The following SRGAP3 variants were observed in gnomAD, a reference collection of about 807,000 sequenced individuals.
SRGAP3 encodes the protein SLIT-ROBO Rho GTPase activating protein 3, also known as SLIT-ROBO Rho GTPase-activating protein 3.
Under a neutral mutation model 121.1 loss-of-function variants are expected in SRGAP3, and 39 were observed. The observed-to-expected ratio is 0.32, with a 90% CI of 0.25 to 0.42. The LOEUF is 0.42. Among genes scored for constraint, SRGAP3 ranks in the 10% least tolerant of loss-of-function variants. SRGAP3 has a pLI of 1.00. For synonymous variants in SRGAP3, 601 were observed against 570.0 expected, an observed-to-expected ratio of 1.05 and a Z score of -0.77; for missense variants, 1,213 against 1,470.6, an observed-to-expected ratio of 0.82 and a Z score of 2.86.
chr3:9,066,791 G>A (rs1467315422), intron 4 of SRGAP3, among the ~76,000 whole-genome samples: 3 of 152,200 alleles, frequency 2.0e-5, no homozygotes, highest in Non-Finnish European at 2.9e-5. Context: ...GAGCCACCAC[G>A]CCCAGGCTCT....
intron 1 of SRGAP3, among the ~76,000 whole-genome samples, chr3:9,227,215 T>G (rs1274097785): frequency 6.6e-6 from 1 of 152,208 alleles, no homozygotes; most frequent in Non-Finnish European, 1.5e-5. Context: ...CTCTTCATTT[T>G]TAAGTGTTGG....
intron 12 of SRGAP3, chr3:9,028,065 G>A (rs769614843): frequency 1.2e-5 from 20 of 1,613,448 alleles, no homozygotes; most frequent in East Asian, 8.9e-5. Context: ...TTTCCATCAC[G>A]GTGAATGGGG....
intron 2 of SRGAP3, chr3:9,330,452 T>C (rs1955588031): frequency 6.5e-6 from 1 of 154,010 alleles, no homozygotes; most frequent in South Asian, 1.9e-4. Context: ...AGCTCCAAAA[T>C]CCGAAAGGGA....
At chr3:9,160,750 T>C (rs748877165) in intron 1 of SRGAP3, among the ~76,000 whole-genome samples, 1 of 152,238 alleles carries the variant, frequency 6.6e-6, no homozygotes, top group African/African-American at 2.4e-5. Flanking sequence ...AAAGGGTTAA[T>C]AGAGACTTGG....
chr3:9,338,940 C>T (rs1955735212), intron 1 of SRGAP3, among the ~76,000 whole-genome samples: 1 of 152,214 alleles, frequency 6.6e-6, no homozygotes, highest in African/African-American at 2.4e-5. Flanking sequence ...AGACAAATTT[C>T]ATAAGCTAAA....
At chr3:9,207,696 G>A (rs1294188708) in intron 1 of SRGAP3, among the ~76,000 whole-genome samples, 1 of 152,192 alleles carries the variant, frequency 6.6e-6, no homozygotes, top group Admixed American at 6.5e-5. Flanking sequence ...CTTTGGAGTT[G>A]TCCCAGGTTG....
At position 8,990,697 on chromosome 3, in the gene SRGAP3, G is replaced by A; in HGVS notation, c.2701C>T (p.Leu901Phe). The A allele has an allele frequency of 6.2e-7, 1 of 1,613,236 alleles. No individual in the cohort carries two copies. The highest frequency in any genetic ancestry group is 8.5e-7 in the Non-Finnish European group (1 of 1,179,828). ...ACPSSPHKIPLTRGRIESPEK... is the reference protein window; with the variant it reads ...ACPSSPHKIPFTRGRIESPEK... ...GGGCTCTCGATCCTCCCCCGGGTGA[G>A]GGGGATTTTGTGGGGGCTGCTGGGG... Residue 901 changes from leucine to phenylalanine, a missense_variant, in exon 21 of 22, where the codon CTC becomes TTC. Around this residue, in one of 2 missense-constraint regions of SRGAP3, gnomAD observed 420 missense variants for 437.7 expected, o/e 0.96. Coordinates refer to ENST00000383836, the MANE Select transcript of SRGAP3 (RefSeq NM_014850.4).
rs150984888 is a variant in SRGAP3, at chr3:9,348,836, T to C, written n.214+14004A>G. The C allele has an allele frequency of 8.3e-5, 111 of 1,335,912 alleles. No homozygotes were observed. In the African/African-American group the frequency reaches 1.5e-3, roughly 18 times the overall value. 82.8% of individuals were successfully genotyped at this position (1,335,912 alleles called of 1,614,324 possible). A position where few individuals can be genotyped will look rare whatever the true frequency, so the allele number is the denominator to read the frequency against. On this transcript the variant is annotated intron_variant and non_coding_transcript_variant, in intron 1 of 3. Transcript: ENST00000490889. The stretch of plus-strand genomic sequence containing the variant: ...TCTAATGGAGCCCGACCATCCTTTC[T>C]ACAACATCAGTAAGGATCGCAGGTT...
At chr3:9,214,079 G>A (rs1278907369) in intron 1 of SRGAP3, among the ~76,000 whole-genome samples, 1 of 147,106 alleles carries the variant, frequency 6.8e-6, no homozygotes, top group African/African-American at 2.5e-5. Flanking sequence ...CCCTTTTATT[G>A]ACAGCCTCCC....
At chr3:9,155,180 G>C (rs1950373221) in intron 1 of SRGAP3, among the ~76,000 whole-genome samples, 1 of 152,082 alleles carries the variant, frequency 6.6e-6, no homozygotes, top group South Asian at 2.1e-4. Flanking sequence ...GCTGAGCGTG[G>C]AGTTCTGGCT....
chr3:9,047,130 C>A (rs1945329137), intron 10 of SRGAP3, among the ~76,000 whole-genome samples: 1 of 152,186 alleles, frequency 6.6e-6, no homozygotes, highest in Non-Finnish European at 1.5e-5. Flanking sequence ...CCGTGCCCAG[C>A]CTCTATTTTC....
intron 14 of SRGAP3, among the ~76,000 whole-genome samples, chr3:9,022,095 G>C (rs909247804): frequency 6.6e-6 from 1 of 152,212 alleles, no homozygotes; most frequent in Non-Finnish European, 1.5e-5. Context: ...TTCGGAGGCT[G>C]AGGTGGGTGG....
intron 3 of SRGAP3, among the ~76,000 whole-genome samples, chr3:9,311,762 C>A (rs376936359): frequency 2.6e-5 from 4 of 152,276 alleles, no homozygotes; most frequent in Admixed American, 2.0e-4. Context: ...TCTTCCTCTG[C>A]TATAAAGGGT....
intron 1 of SRGAP3, among the ~76,000 whole-genome samples, chr3:9,242,373 G>A (rs181865657): frequency 2.1e-3 from 313 of 152,298 alleles, no homozygotes; most frequent in African/African-American, 7.4e-3. Context: ...AGCGGCTCAC[G>A]CCTGAAATCC....
In SRGAP3 at chr3:9,010,346, T is replaced by C; in HGVS notation, c.2189A>G (p.Asp730Gly). The C allele has an allele frequency of 6.2e-7, 1 of 1,614,114 alleles. No individual in the cohort carries two copies. The highest frequency in any genetic ancestry group is 1.7e-5 in the Admixed American group (1 of 60,016). The change falls in exon 18 of 22, where the codon GAC becomes GGC. Residue 730 changes from aspartate to glycine, a missense_variant. Coordinates refer to ENST00000383836, the MANE Select transcript of SRGAP3 (RefSeq NM_014850.4). ...HSEPGAIDEV[D>G]HDNGTEPHTS... ...ATGAGGCTCAGTGCCATTGTCATGG[T>C]CAACTTCATCGATGGCCCCTGGCTC... is the stretch of plus-strand genomic sequence containing the variant.
At chr3:9,288,864 C>G (rs572960099) in intron 3 of SRGAP3, among the ~76,000 whole-genome samples, 21 of 150,486 alleles carry the variant, frequency 1.4e-4, no homozygotes, top group African/African-American at 4.6e-4. Flanking sequence ...GTATGAGCCA[C>G]TATGCCTGGC....
At chr3:9,107,675 A>G (rs561802392) in intron 2 of SRGAP3, among the ~76,000 whole-genome samples, 4 of 152,244 alleles carry the variant, frequency 2.6e-5, no homozygotes, top group Non-Finnish European at 5.9e-5. Flanking sequence ...GCCCCAGACT[A>G]CGTGTACTCA....
chr3:9,081,619 T>C (rs1001038813), intron 3 of SRGAP3, among the ~76,000 whole-genome samples: 7 of 152,180 alleles, frequency 4.6e-5, no homozygotes, highest in Admixed American at 4.6e-4. Context: ...CTCAGTGCCT[T>C]TCATGTCCTT....
chr3:9,045,150 T>A, intron 10 of SRGAP3, among the ~76,000 whole-genome samples: 1 of 151,804 alleles, frequency 6.6e-6, no homozygotes. Context: ...TTCCCAACTT[T>A]TCTGTAGCTC....
Sources: allele counts gnomAD v4.1 joint callset (sites outside exome capture counted in the v4.1 genomes callset), GRCh38; gene constraint gnomAD v4.1.1; regional missense constraint gnomAD v4.1.1; transcripts MANE v1.5; gene names NCBI Gene and HGNC (gene_info 2026-07-23, HGNC 2026-07-21).